Variants in SGCD observed in about 807,000 individuals in gnomAD.
SGCD encodes delta-sarcoglycan.
In SGCD, 18 loss-of-function variants were observed where a neutral mutation model predicts 36.6. The observed-to-expected ratio is 0.49, with a 90% CI of 0.34 to 0.73. The LOEUF (loss-of-function observed/expected upper bound fraction) is 0.73, where lower values mean the gene tolerates loss of function less well. Ranked by LOEUF, SGCD falls within the 30% of genes least tolerant of loss-of-function variation. SGCD has a pLI of 0.01. For synonymous variants in SGCD, 133 were observed against 130.6 expected (o/e 1.02, Z -0.12); for missense variants, 387 against 346.7 (o/e 1.12, Z -0.92).
chr5:156,008,786 GTTCACA>G (rs1182326276), intron 1 of SGCD, among the ~76,000 whole-genome samples: 5 of 152,116 alleles, frequency 3.3e-5, no homozygotes, highest in Admixed American at 3.3e-4. Flanking sequence ...ATCCAAGTAA[GTTCACA>G]TTCTGAGGTA....
chr5:156,343,355 G>A (rs886437196), intron 2 of SGCD, among the ~76,000 whole-genome samples: 26 of 152,222 alleles, frequency 1.7e-4, no homozygotes, highest in African/African-American at 6.0e-4. Flanking sequence ...GAGATAGGCA[G>A]TGGGGGTCCT....
At position 156,068,442 on chromosome 5, in the gene SGCD, G is replaced by T. The variant is rs1361336895; in HGVS notation, c.-281-49436G>T. On this transcript the variant is annotated intron_variant, in intron 1 of 9. Transcript: ENST00000517913. The stretch of plus-strand genomic sequence containing the variant: ...CCAATTTCATCCATGTCCCTACAAA[G>T]GACATGAACTCCTCATTTTTTATGG... Among the ~76,000 whole-genome samples the T allele has an allele frequency of 3.3e-5, 5 of 152,200 alleles. No individual in the cohort carries two copies. In the East Asian group the frequency reaches 9.7e-4, roughly 29 times the overall value.
intron 1 of SGCD, among the ~76,000 whole-genome samples, chr5:155,891,872 G>A (rs543263420): frequency 1.3e-5 from 2 of 152,152 alleles, no homozygotes; most frequent in Admixed American, 6.5e-5. Context: ...GTGAAAATGT[G>A]GCAGCAGCAT....
intron 1 of SGCD, among the ~76,000 whole-genome samples, chr5:155,879,749 C>T (rs183946724): frequency 6.6e-6 from 1 of 152,000 alleles, no homozygotes; most frequent in East Asian, 1.9e-4. Context: ...CAAAACTTTC[C>T]AAAGATTTTC....
intron 3 of SGCD, among the ~76,000 whole-genome samples, chr5:156,264,359 C>T (rs1765950040): frequency 6.6e-6 from 1 of 152,012 alleles, no homozygotes; most frequent in East Asian, 1.9e-4. Flanking sequence ...AGATTCCCTA[C>T]AGAGAAACTA....
chr5:155,777,363 T>G, the SGCD span, among the ~76,000 whole-genome samples: 1 of 148,660 alleles, frequency 6.7e-6, no homozygotes, highest in Non-Finnish European at 1.5e-5. Flanking sequence ...TTTTTTTGTT[T>G]TTTTTTTTTT....
intron 3 of SGCD, among the ~76,000 whole-genome samples, chr5:156,388,251 A>AT (rs1479719870): frequency 2.0e-5 from 3 of 152,030 alleles, no homozygotes; most frequent in East Asian, 1.9e-4. Flanking sequence ...GAAGAACTGT[A>AT]TTTTTTTTCT....
intron 3 of SGCD, among the ~76,000 whole-genome samples, chr5:156,173,190 AT>A (rs1171095547): frequency 6.6e-6 from 1 of 152,154 alleles, no homozygotes; most frequent in African/African-American, 2.4e-5. Flanking sequence ...ATGTGAATAG[AT>A]TTTTTTAAAT....
the SGCD span, among the ~76,000 whole-genome samples, chr5:155,824,439 G>A: frequency 6.6e-6 from 1 of 152,146 alleles, no homozygotes; most frequent in Admixed American, 6.5e-5. Context: ...GCAGATATTG[G>A]TGGATGTATT....
intron 1 of SGCD, among the ~76,000 whole-genome samples, chr5:155,951,702 G>A (rs937168422): frequency 1.3e-5 from 2 of 152,122 alleles, no homozygotes; most frequent in African/African-American, 4.8e-5. Context: ...TATGTCAAAT[G>A]CCTAACTGTG....
intron 3 of SGCD, among the ~76,000 whole-genome samples, chr5:156,144,662 A>C (rs1762669169): frequency 6.6e-6 from 1 of 152,186 alleles, no homozygotes; most frequent in Non-Finnish European, 1.5e-5. Context: ...AGTAGGTTGC[A>C]AAAATTTTCT....
At chr5:156,532,651 C>A (rs1254311548) in intron 4 of SGCD, among the ~76,000 whole-genome samples, 1 of 152,016 alleles carries the variant, frequency 6.6e-6, no homozygotes, top group Non-Finnish European at 1.5e-5. Context: ...TTAGTTGAGA[C>A]AGGGTTTTAC....
the SGCD span, among the ~76,000 whole-genome samples, chr5:155,781,092 A>C: frequency 6.6e-6 from 1 of 152,194 alleles, no homozygotes; most frequent in Non-Finnish European, 1.5e-5. Flanking sequence ...ATGGAATTTT[A>C]GGCTTAGAAA....
the SGCD span, among the ~76,000 whole-genome samples, chr5:155,743,936 A>C: frequency 6.6e-6 from 1 of 152,226 alleles, no homozygotes; most frequent in Non-Finnish European, 1.5e-5. Context: ...AAGAGGACCA[A>C]GTGTCCCTTG....
intron 4 of SGCD, among the ~76,000 whole-genome samples, chr5:156,567,541 G>A (rs1759546184): frequency 1.3e-5 from 2 of 152,174 alleles, no homozygotes; most frequent in Non-Finnish European, 2.9e-5. Flanking sequence ...AAGGCCATCT[G>A]CTGAGGAGTT....
intron 3 of SGCD, among the ~76,000 whole-genome samples, chr5:156,132,456 G>GTATTTTTTT (rs1561532851): frequency 2.7e-5 from 2 of 73,586 alleles, no homozygotes; most frequent in Non-Finnish European, 5.4e-5. Context: ...AACTTACCAA[G>GTATTTTTTT]TCTTTTTTTT....
At chr5:156,200,972 T>C (rs1764135021) in intron 3 of SGCD, among the ~76,000 whole-genome samples, 1 of 152,162 alleles carries the variant, frequency 6.6e-6, no homozygotes, top group Non-Finnish European at 1.5e-5. Context: ...GACATTATGC[T>C]AAGCAAAATA....
chr5:156,408,291 G>A (rs780324150), intron 3 of SGCD, among the ~76,000 whole-genome samples: 70 of 152,040 alleles, frequency 4.6e-4, no homozygotes, highest in Middle Eastern at 6.8e-3. Context: ...TACAGGATGT[G>A]TAGTAGATAC....
At chr5:156,599,102 G>A (rs1350353148) in intron 6 of SGCD, among the ~76,000 whole-genome samples, 1 of 152,204 alleles carries the variant, frequency 6.6e-6, no homozygotes, top group Non-Finnish European at 1.5e-5. Flanking sequence ...AGTGAAATGA[G>A]CCCAGTGGGT....
Sources: allele counts gnomAD v4.1 joint callset (sites outside exome capture counted in the v4.1 genomes callset), GRCh38; gene constraint gnomAD v4.1.1; transcripts MANE v1.5; gene names NCBI Gene and HGNC (gene_info 2026-07-23, HGNC 2026-07-21).